FBXO32: variants seen among roughly 807,000 people sequenced by gnomAD.
FBXO32 encodes F-box only protein 32.
A neutral mutation model predicts 48.3 loss-of-function variants in FBXO32; 15 were observed. The observed-to-expected ratio is 0.31, with a 90% confidence interval of 0.21 to 0.48. The LOEUF is 0.48. Among genes scored for constraint, FBXO32 ranks in the 20% least tolerant of loss-of-function variants. The probability of loss-of-function intolerance (pLI) is 0.99; values close to 1 mark genes in which losing one functional copy is unlikely to be tolerated. For missense variants in FBXO32, 309 were observed against 432.7 expected, an observed-to-expected ratio of 0.71 and a Z score of 2.54; for synonymous variants, 154 against 165.9, an observed-to-expected ratio of 0.93 and a Z score of 0.55.
intron 1 of FBXO32, among the ~76,000 whole-genome samples, chr8:123,537,997 A>T (rs1301450437): frequency 1.3e-5 from 2 of 152,110 alleles, no homozygotes; most frequent in Non-Finnish European, 2.9e-5. Context: ...GCATTCTTGG[A>T]TCATCCCAAT....
At chr8:123,509,380 A>G (rs1215810945) in intron 6 of FBXO32, among the ~76,000 whole-genome samples, 1 of 151,940 alleles carries the variant, frequency 6.6e-6, no homozygotes, top group East Asian at 1.9e-4. Context: ...CTCTCTCTCA[A>G]TTTCTCTTTC....
At position 123,540,571 on chromosome 8, in the gene FBXO32, C is replaced by T. The variant is rs1041194419; in HGVS notation, c.116+328G>A. ...GACTCCGGTGTCCTTAAAGCAGGGA[C>T]CACTAAAGCTGTGTGATTAAGTTTG... is the stretch of plus-strand genomic sequence containing the variant. On this transcript the variant is annotated intron_variant, in intron 1 of 8. Coordinates refer to ENST00000517956, the MANE Select transcript of FBXO32 (RefSeq NM_058229.4). This position sits in a 1 kb window ranked among gnomAD's most constrained non-coding sequence, Gnocchi z 6.4. Among the ~76,000 whole-genome samples, 21 of 152,246 alleles carry T rather than the reference C, an allele frequency of 1.4e-4. No individual in the cohort carries two copies. The highest frequency in any genetic ancestry group is 1.5e-4 in the Non-Finnish European group (10 of 68,052).
chr8:123,513,122 C>A lies in FBXO32; in HGVS notation c.651+76G>T. 2.7e-6 allele frequency: 4 copies of A among 1,478,042 alleles called. No individual in the cohort carries two copies. The highest frequency in any genetic ancestry group is 3.7e-6 in the Non-Finnish European group (4 of 1,067,918). The allele number at this position is 1,478,042 out of a possible 1,614,324, so 91.6% of individuals were successfully genotyped here. On this transcript the variant is annotated intron_variant, in intron 6 of 8. Coordinates refer to ENST00000517956, the MANE Select transcript of FBXO32 (RefSeq NM_058229.4). This position sits in a 1 kb window ranked among gnomAD's most constrained non-coding sequence, Gnocchi z 4.3. Reference sequence around the variant, plus strand: ...GACTCTTCCGTCACAGGAGTGAATTCAAAGTCTTGGCGAGTCTGTCCAGTA... The same window carrying A: ...GACTCTTCCGTCACAGGAGTGAATTAAAAGTCTTGGCGAGTCTGTCCAGTA...
intron 4 of FBXO32, among the ~76,000 whole-genome samples, chr8:123,520,228 A>T (rs1030895031): frequency 6.6e-5 from 10 of 152,120 alleles, no homozygotes; most frequent in African/African-American, 2.4e-4. Context: ...ACAGAGGAAA[A>T]TGTCTTGTTT....
intron 4 of FBXO32, 52 bp from the exon 5 acceptor site, chr8:123,514,385 C>T (rs1414182235): frequency 1.4e-6 from 2 of 1,446,072 alleles, no homozygotes; most frequent in South Asian, 1.3e-5. Context: ...ATATTTTTCT[C>T]CTCTAATCTT....
chr8:123,539,752 C>T (rs150866505), intron 1 of FBXO32, among the ~76,000 whole-genome samples: 45 of 152,312 alleles, frequency 3.0e-4, no homozygotes, highest in African/African-American at 1.0e-3. Context: ...ATCCAAGCAA[C>T]GACTGGTAAA....
At chr8:123,519,140 C>T (rs1400441660) in intron 4 of FBXO32, among the ~76,000 whole-genome samples, 4 of 152,146 alleles carry the variant, frequency 2.6e-5, no homozygotes, top group Admixed American at 6.5e-5. Flanking sequence ...TATATTCTGA[C>T]AGTTTCAGGA....
Position 123,513,543 on chromosome 8 carries a change from G to A in FBXO32, c.467-161C>T, listed in dbSNP as rs1471363455. Among the ~76,000 whole-genome samples, 2 of 152,210 alleles carry A rather than the reference G, an allele frequency of 1.3e-5. No homozygotes were observed. The highest frequency in any genetic ancestry group is 2.9e-5 in the Non-Finnish European group (2 of 68,042). On this transcript the variant is annotated intron_variant, in intron 5 of 8. Coordinates refer to ENST00000517956, the MANE Select transcript of FBXO32 (RefSeq NM_058229.4). The surrounding 1 kb of genome is among the most constrained non-coding windows in gnomAD (Gnocchi z 4.3). ...CAGTGTTTATTGTACGCTTGGCCAA[G>A]CTTCTGCACTTGAGGTTAAAGGGTA...
At chr8:123,528,082 C>T (rs942704090) in intron 4 of FBXO32, among the ~76,000 whole-genome samples, 10 of 152,184 alleles carry the variant, frequency 6.6e-5, no homozygotes, top group African/African-American at 2.4e-4. Flanking sequence ...ATTGGGATCA[C>T]CAGGCAGATA....
In FBXO32 at chr8:123,531,974, G is replaced by A; in HGVS notation, c.296C>T (p.Thr99Ile). The change falls in exon 4 of 9, where the codon ACC (threonine) becomes ATC (isoleucine). Residue 99 changes from threonine to isoleucine, a missense_variant. Coordinates refer to ENST00000517956, the MANE Select transcript of FBXO32 (RefSeq NM_058229.4). ...GSTKERHGYC[T>I]LGEAFNRLDF... ...CAGTCTGTTGAAAGCTTCCCCCAGG[G>A]TGCAATATCCATGGCGCTGAACATG... 1 of 1,614,126 alleles carries A rather than the reference G, an allele frequency of 6.2e-7. No homozygotes were observed.
At position 123,533,252 on chromosome 8, in the gene FBXO32, A is replaced by G. The variant is rs1218051550; in HGVS notation, c.230-12T>C. 1.2e-6 allele frequency: 2 copies of G among 1,601,428 alleles called. No homozygotes were observed. The highest frequency in any genetic ancestry group is 2.7e-5 in the African/African-American group (2 of 74,678). ...TTCTTGGTGGAAATCTACAGAGACA[A>G]AAAGAATACACAGCTTTAACATCTG... is the stretch of plus-strand genomic sequence containing the variant. On this transcript the variant is annotated splice_polypyrimidine_tract_variant and intron_variant, in intron 2 of 8. Transcript: ENST00000517956.
chr8:123,498,893 CCTTAA>C lies in FBXO32; in HGVS notation c.*4475_*4479del, dbSNP rs1258970191. The C allele has an allele frequency of 2.0e-5, 3 of 152,204 alleles. No homozygotes were observed. The highest frequency in any genetic ancestry group is 7.2e-5 in the African/African-American group (3 of 41,450). The allele number at this position is 152,204 out of a possible 1,614,324, so 9.4% of individuals were successfully genotyped here. ...AGGTCTGTGAAAACATTAAGTGGCT[CCTTAA>C]CTTCTCCAGTAAGAATCAGGGACTT... On this transcript the variant is annotated 3_prime_UTR_variant, in exon 9 of 9. Coordinates refer to ENST00000517956, the MANE Select transcript of FBXO32 (RefSeq NM_058229.4).
intron 4 of FBXO32, among the ~76,000 whole-genome samples, chr8:123,529,554 C>A (rs1817157122): frequency 6.6e-6 from 1 of 152,228 alleles, no homozygotes; most frequent in African/African-American, 2.4e-5. Flanking sequence ...AGTTTGAAAT[C>A]AGTGGAGCTA....
intron 7 of FBXO32, among the ~76,000 whole-genome samples, chr8:123,505,627 T>C (rs1256812475): frequency 2.0e-5 from 3 of 152,056 alleles, no homozygotes; most frequent in Non-Finnish European, 4.4e-5. Context: ...TCCCAGCTAC[T>C]TGGGAGGCTG....
At chr8:123,503,509 T>C in intron 8 of FBXO32, 47 bp from the exon 9 acceptor site, 2 of 1,529,014 alleles carry the variant, frequency 1.3e-6, no homozygotes, top group Non-Finnish European at 9.0e-7. Context: ...AGGCCTCTCT[T>C]TGGCTTTTAG....
chr8:123,528,396 C>T (rs1817132002), intron 4 of FBXO32, among the ~76,000 whole-genome samples: 1 of 152,210 alleles, frequency 6.6e-6, no homozygotes, highest in African/African-American at 2.4e-5. Context: ...CCTCTGGAAT[C>T]CTTCCAGTTC....
At position 123,533,209 on chromosome 8, in the gene FBXO32, G is replaced by C. The variant is rs1817244406; in HGVS notation, c.261C>G (p.His87Gln). 1.9e-6 allele frequency: 3 copies of C among 1,613,032 alleles called. No homozygotes were observed. The East Asian group carries it at 6.7e-5, about 36-fold the overall frequency. Reference protein sequence around the residue: ...YFHQEKWIYVHKGSTKERHGY... With the variant: ...YFHQEKWIYVQKGSTKERHGY... ...TGCTCACCTCTTTAGTACTTCCTTT[G>C]TGAACATAGATCCATTTTTCTTGGT... The change falls in exon 3 of 9, where the codon CAC (histidine) becomes CAG (glutamine). Residue 87 changes from histidine (H) to glutamine (Q), a missense_variant. Transcript: ENST00000517956.
chr8:123,510,013 T>C (rs1353645440), intron 6 of FBXO32, among the ~76,000 whole-genome samples: 1 of 152,182 alleles, frequency 6.6e-6, no homozygotes, highest in Non-Finnish European at 1.5e-5. Context: ...GATGAGATAA[T>C]ACATAGAAGC....
In FBXO32 at chr8:123,506,625, ACCAGGCCACACCCT is replaced by A; in HGVS notation, c.652-65_652-52del. The A allele has an allele frequency of 6.8e-7, 1 of 1,460,590 alleles. No homozygotes were observed. Among genetic ancestry groups the A allele is most frequent in the Non-Finnish European group, 9.3e-7 (1 of 1,070,050 alleles). The allele number at this position is 1,460,590 out of a possible 1,614,324, so 90.5% of individuals were successfully genotyped here. A position where few individuals can be genotyped will look rare whatever the true frequency, so the allele number is the denominator to read the frequency against. ...TGGGGGGGCCAGAGAGCAGCGATTCACCAGGCCACACCCTCCAGGCATGCAGCTGTGCCCGTCCT... is the reference window on the plus strand; with the variant it reads ...TGGGGGGGCCAGAGAGCAGCGATTCACCAGGCATGCAGCTGTGCCCGTCCT... On this transcript the variant is annotated intron_variant, in intron 6 of 8. Coordinates refer to ENST00000517956, the MANE Select transcript of FBXO32 (RefSeq NM_058229.4). This position sits in a 1 kb window ranked among gnomAD's most constrained non-coding sequence, Gnocchi z 4.0.
Sources: allele counts gnomAD v4.1 joint callset (sites outside exome capture counted in the v4.1 genomes callset), GRCh38; gene constraint gnomAD v4.1.1; non-coding constraint Gnocchi (gnomAD v3.1); transcripts MANE v1.5; gene names NCBI Gene and HGNC (gene_info 2026-07-23, HGNC 2026-07-21).